AK9: variants seen among roughly 807,000 people sequenced by gnomAD.
The protein encoded by AK9 is adenylate kinase domain containing 1.
AK9 carries 191 observed loss-of-function variants against 239.6 expected under a neutral mutation model. That is an observed-to-expected ratio of 0.80 (90% CI 0.71 to 0.90). The LOEUF is 0.90. Ranked by LOEUF, AK9 falls within the 40% of genes least tolerant of loss-of-function variation. AK9 has a pLI of 0.00. For synonymous variants in AK9, 689 were observed against 721.0 expected, an observed-to-expected ratio of 0.96 and a Z score of 0.71; for missense variants, 1,995 against 2,214.7, an observed-to-expected ratio of 0.90 and a Z score of 1.99.
intron 12 of AK9, among the ~76,000 whole-genome samples, chr6:109,620,444 T>C (rs1794678258): frequency 1.3e-5 from 2 of 152,162 alleles, no homozygotes; most frequent in Admixed American, 1.3e-4. Context: ...TATTTTTTTC[T>C]CTTTAAGCAT....
At chr6:109,502,085 C>A (rs1777656075) in intron 35 of AK9, among the ~76,000 whole-genome samples, 1 of 152,136 alleles carries the variant, frequency 6.6e-6, no homozygotes, top group African/African-American at 2.4e-5. Flanking sequence ...TGACATGACT[C>A]CAGTGGTATT....
At chr6:109,622,325 G>A (rs1794969098) in intron 12 of AK9, among the ~76,000 whole-genome samples, 1 of 142,278 alleles carries the variant, frequency 7.0e-6, no homozygotes, top group Non-Finnish European at 1.5e-5. Flanking sequence ...GTACATATAT[G>A]TATATGTATA....
chr6:109,591,688 C>T (rs576763446), intron 17 of AK9, among the ~76,000 whole-genome samples: 1 of 152,020 alleles, frequency 6.6e-6, no homozygotes, highest in Non-Finnish European at 1.5e-5. Flanking sequence ...CACCCTTTTG[C>T]TTTTATGTTT....
chr6:109,583,079 T>G (rs116186377), intron 19 of AK9, among the ~76,000 whole-genome samples: 3,171 of 152,306 alleles, frequency 0.021, 101 homozygotes, highest in African/African-American at 0.073. Flanking sequence ...AAACATAACT[T>G]TTATATGCAC....
At chr6:109,567,721 T>C (rs1583039023) in intron 21 of AK9, among the ~76,000 whole-genome samples, 1 of 104,220 alleles carries the variant, frequency 9.6e-6, no homozygotes, top group Admixed American at 1.4e-4. Context: ...CATCACACAC[T>C]GGGGCCTGTT....
intron 29 of AK9, among the ~76,000 whole-genome samples, chr6:109,519,010 T>G (rs985526811): frequency 1.3e-5 from 2 of 152,182 alleles, no homozygotes; most frequent in South Asian, 4.1e-4. Flanking sequence ...GCCATCTTTA[T>G]GTCCATGAGT....
intron 21 of AK9, 27 bp from the exon 22 acceptor site, chr6:109,564,872 GT>G: frequency 2.0e-6 from 3 of 1,465,850 alleles, no homozygotes; most frequent in Non-Finnish European, 2.8e-6. Context: ...AATAGTTAGT[GT>G]TTAAATTTGA....
At chr6:109,511,305 C>T (rs1562332035) in intron 32 of AK9, among the ~76,000 whole-genome samples, 1 of 152,116 alleles carries the variant, frequency 6.6e-6, no homozygotes, top group Non-Finnish European at 1.5e-5. Flanking sequence ...CTCAGTTAAT[C>T]CTCTAGGAAA....
rs1170748943 is a variant in AK9, at chr6:109,533,382, C to T, written c.3439G>A (p.Val1147Ile). 2 of 1,610,952 alleles carry T rather than the reference C, an allele frequency of 1.2e-6. No homozygotes were observed. The highest frequency in any genetic ancestry group is 1.1e-5 in the South Asian group (1 of 90,180). ...GDRGFFPDAA[V>I]FIQVDDQDIF... Reference sequence around the variant, plus strand: ...TCTTGATCATCAACTTGTATAAAAACAGCTGCATCTGGGAAAAATCCACGA... The same window carrying T: ...TCTTGATCATCAACTTGTATAAAAATAGCTGCATCTGGGAAAAATCCACGA... Residue 1147 changes from valine (V) to isoleucine (I), a missense_variant, in exon 28 of 41, where the codon GTT becomes ATT. This residue lies in a region of AK9 where 1,290 missense variants were observed against 1,392.7 expected (regional missense o/e 0.93). Transcript: ENST00000424296.
chr6:109,524,340 C>T (rs563867577), intron 29 of AK9, among the ~76,000 whole-genome samples: 1 of 152,144 alleles, frequency 6.6e-6, no homozygotes, highest in East Asian at 1.9e-4. Flanking sequence ...AAAGGTCTAA[C>T]CTATGTATAA....
chr6:109,519,279 T>C (rs144264455), intron 29 of AK9, among the ~76,000 whole-genome samples: 1 of 152,222 alleles, frequency 6.6e-6, no homozygotes, highest in East Asian at 1.9e-4. Flanking sequence ...GATGAACATA[T>C]GAGTGGATGT....
intron 21 of AK9, 33 bp from the exon 22 acceptor site, chr6:109,564,878 A>G (rs933811967): frequency 3.2e-5 from 46 of 1,431,964 alleles, no homozygotes; most frequent in South Asian, 2.8e-4. Flanking sequence ...TAGTGTTTAA[A>G]TTTGAAAACA....
At chr6:109,561,513 C>T (rs930483648) in intron 24 of AK9, among the ~76,000 whole-genome samples, 10 of 151,492 alleles carry the variant, frequency 6.6e-5, no homozygotes, top group Non-Finnish European at 1.5e-4. Flanking sequence ...GGGGTTTCGC[C>T]ATGTTGCCCA....
intron 6 of AK9, among the ~76,000 whole-genome samples, chr6:109,662,198 G>A (rs1466367259): frequency 6.6e-6 from 1 of 152,182 alleles, no homozygotes; most frequent in Non-Finnish European, 1.5e-5. Context: ...ACCACGAATG[G>A]TCATCAGAGA....
intron 32 of AK9, among the ~76,000 whole-genome samples, chr6:109,513,923 G>A (rs764622840): frequency 3.3e-5 from 5 of 152,122 alleles, no homozygotes; most frequent in Admixed American, 1.3e-4. Flanking sequence ...AACCCCCACC[G>A]AATCAGCAGG....
At chr6:109,591,925 T>C (rs1477163511) in intron 17 of AK9, among the ~76,000 whole-genome samples, 1 of 152,028 alleles carries the variant, frequency 6.6e-6, no homozygotes, top group African/African-American at 2.4e-5. Context: ...ACTCTGAGGC[T>C]GAAGCAAATC....
At chr6:109,643,174 T>C (rs1047878914) in intron 9 of AK9, among the ~76,000 whole-genome samples, 2 of 152,154 alleles carry the variant, frequency 1.3e-5, no homozygotes, top group Admixed American at 1.3e-4. Context: ...GCTTCTATTA[T>C]AGATTGAATT....
In AK9 at chr6:109,550,182, G is replaced by C; in HGVS notation, c.2872C>G (p.Arg958Gly). 2 of 1,613,718 alleles carry C rather than the reference G, an allele frequency of 1.2e-6. No homozygotes were observed. Among genetic ancestry groups the C allele is most frequent in the South Asian group, 1.1e-5 (1 of 91,070 alleles). ...CTTGAAAAGTAGTAGATCTTTTCTC[G>C]ATACTTGGCTGCTTCTTCTGTGTTT... ...PGNTEEAAKY[R>G]EKIYYFSSAE... The change falls in exon 25 of 41, where the codon CGA becomes GGA. Residue 958 changes from arginine (R) to glycine (G), a missense_variant. Transcript: ENST00000424296.
intron 17 of AK9, among the ~76,000 whole-genome samples, chr6:109,604,968 C>T (rs758171829): frequency 6.8e-6 from 1 of 147,506 alleles, no homozygotes; most frequent in Non-Finnish European, 1.5e-5. Context: ...CTTTTGGCTA[C>T]CTTATTTCTA....
Sources: gnomAD v4.1 joint callset for allele counts (sites outside exome capture counted in the v4.1 genomes callset) on GRCh38, gnomAD v4.1.1 for gene constraint, gnomAD v4.1.1 regional missense constraint, MANE v1.5 for transcripts, NCBI Gene and HGNC (gene_info 2026-07-23, HGNC 2026-07-21) for gene names.